Variants in KIF26B observed in about 807,000 individuals in gnomAD.
KIF26B encodes the protein kinesin family member 26B, also known as kinesin-like protein KIF26B.
In KIF26B, 63 loss-of-function variants were observed where a neutral mutation model predicts 151.2. The ratio of observed to expected loss-of-function variants is 0.42; its 90% CI spans 0.34 to 0.51. The LOEUF (loss-of-function observed/expected upper bound fraction) is 0.51, where lower values mean the gene tolerates loss of function less well. Among genes scored for constraint, KIF26B ranks in the 20% least tolerant of loss-of-function variants. The pLI, the probability that KIF26B is intolerant of heterozygous loss-of-function variation, is 0.07. For missense variants in KIF26B, 2,813 were observed against 2,913.6 expected (o/e 0.97, Z 0.79); for synonymous variants, 1,357 against 1,262.1 (o/e 1.08, Z -1.59).
intron 5 of KIF26B, among the ~76,000 whole-genome samples, chr1:245,576,255 AGC>A: frequency 6.6e-6 from 1 of 152,220 alleles, no homozygotes; most frequent in East Asian, 1.9e-4. Flanking sequence ...ACCGGGACGC[AGC>A]GTTCCCATTC....
At chr1:245,571,357 C>T (rs1024432268) in intron 5 of KIF26B, among the ~76,000 whole-genome samples, 1 of 152,210 alleles carries the variant, frequency 6.6e-6, no homozygotes, top group African/African-American at 2.4e-5. Flanking sequence ...AAGACACCTA[C>T]CCAGCTCTGA....
chr1:245,276,433 A>T (rs896408774), intron 2 of KIF26B, among the ~76,000 whole-genome samples: 1 of 152,130 alleles, frequency 6.6e-6, no homozygotes, highest in South Asian at 2.1e-4. Flanking sequence ...TCTCCTGTTT[A>T]TTTTGTGCTG....
chr1:245,614,117 C>T (rs2043557843), intron 9 of KIF26B, among the ~76,000 whole-genome samples: 2 of 152,146 alleles, frequency 1.3e-5, no homozygotes, highest in African/African-American at 4.8e-5. Flanking sequence ...CCCCATGCTG[C>T]AGCACGCGTC....
At chr1:245,574,367 C>G (rs1370044886) in intron 5 of KIF26B, among the ~76,000 whole-genome samples, 2 of 152,172 alleles carry the variant, frequency 1.3e-5, no homozygotes, top group Non-Finnish European at 2.9e-5. Flanking sequence ...TGGTCTCGAA[C>G]TCCTGACCTC....
chr1:245,678,714 A>T (rs929546943), intron 10 of KIF26B, among the ~76,000 whole-genome samples: 1 of 151,708 alleles, frequency 6.6e-6, no homozygotes, highest in African/African-American at 2.4e-5. Context: ...AATACAAAAA[A>T]TTGCTGGGCG....
intron 2 of KIF26B, among the ~76,000 whole-genome samples, chr1:245,254,045 C>A (rs910949894): frequency 6.6e-6 from 1 of 151,880 alleles, no homozygotes; most frequent in Non-Finnish European, 1.5e-5. Context: ...CTCCTGACCT[C>A]GTAATTTGCC....
At chr1:245,158,043 T>A (rs978234157) in intron 2 of KIF26B, among the ~76,000 whole-genome samples, 1 of 152,188 alleles carries the variant, frequency 6.6e-6, no homozygotes. Context: ...GTTCACAATG[T>A]CTTCACATTT....
intron 2 of KIF26B, among the ~76,000 whole-genome samples, chr1:245,309,057 C>T (rs58442128): frequency 0.2 from 29,735 of 152,064 alleles, 3,088 homozygotes; most frequent in East Asian, 0.43. Flanking sequence ...GAGGATGTGG[C>T]TCTCACCCTT....
intron 4 of KIF26B, among the ~76,000 whole-genome samples, chr1:245,435,170 T>TCCATCCAC (rs1658887042): frequency 2.2e-5 from 3 of 138,488 alleles, no homozygotes; most frequent in Admixed American, 7.1e-5. Context: ...CATCCATCCA[T>TCCATCCAC]CCACCCACCC....
rs150646641 is a variant in KIF26B at position 245,329,777 on chromosome 1, C to T, written c.466-37057C>T. Among the ~76,000 whole-genome samples the T allele has an allele frequency of 3.9e-5, 6 of 152,266 alleles. No individual in the cohort carries two copies. In the East Asian group the frequency reaches 1.2e-3, roughly 29 times the overall value. Reference sequence around the variant, plus strand: ...AATAAACAATAGAGTGACATGTATACAATCAATAAGACCAAAAAAGGTGTT... The same window carrying T: ...AATAAACAATAGAGTGACATGTATATAATCAATAAGACCAAAAAAGGTGTT... On this transcript the variant is annotated intron_variant, in intron 2 of 14. Coordinates refer to ENST00000407071, the MANE Select transcript of KIF26B (RefSeq NM_018012.4).
Position 245,252,189 on chromosome 1 carries a change from T to C in KIF26B, c.465+95506T>C, listed in dbSNP as rs531251057. Among the ~76,000 whole-genome samples, 4 of 150,112 alleles carry C rather than the reference T, an allele frequency of 2.7e-5. No individual in the cohort carries two copies. The East Asian group carries it at 7.9e-4, about 30-fold the overall frequency. ...TACTAGGGAGGCTGAGGTGGGAGAA[T>C]CACCTGAGCCCAGGAGTTTGAGGCT... On this transcript the variant is annotated intron_variant, in intron 2 of 14. Transcript: ENST00000407071.
At chr1:245,445,192 A>G (rs1010610566) in intron 4 of KIF26B, among the ~76,000 whole-genome samples, 5 of 152,208 alleles carry the variant, frequency 3.3e-5, no homozygotes, top group African/African-American at 9.6e-5. Flanking sequence ...CTGTTTGGAA[A>G]GCATAGAATG....
rs2044541360 is a variant in KIF26B at position 245,687,271 on chromosome 1, A to G, written c.4288A>G (p.Ser1430Gly). The G allele has an allele frequency of 1.2e-6, 2 of 1,611,406 alleles. No homozygotes were observed. The highest frequency in any genetic ancestry group is 1.7e-6 in the Non-Finnish European group (2 of 1,179,256). The change falls in exon 12 of 15, where the codon AGT becomes GGT. Residue 1430 changes from serine (S) to glycine (G), a missense_variant. This residue lies in a region of KIF26B where 2,060 missense variants were observed against 2,088.6 expected (regional missense o/e 0.99). Coordinates refer to ENST00000407071, the MANE Select transcript of KIF26B (RefSeq NM_018012.4). The surrounding 1 kb of genome is among the most constrained non-coding windows in gnomAD (Gnocchi z 4.9). ...CCAGTCCCGGGAGAGTAAGGAAAAC[A>G]GTGCAAAGAAAGAGATGAAATTTGA... ...LAQSRESKEN[S>G]AKKEMKFEDP... is the part of the protein sequence containing the mutation.
At chr1:245,278,697 A>G (rs893830234) in intron 2 of KIF26B, among the ~76,000 whole-genome samples, 1 of 152,184 alleles carries the variant, frequency 6.6e-6, no homozygotes, top group Non-Finnish European at 1.5e-5. Flanking sequence ...CTTTTGATGC[A>G]TCTCTTGTAT....
intron 2 of KIF26B, among the ~76,000 whole-genome samples, chr1:245,270,193 T>TCC (rs1558369352): frequency 1.2e-5 from 1 of 80,286 alleles, no homozygotes; most frequent in African/African-American, 5.5e-5. Flanking sequence ...CATTCCTTCT[T>TCC]CTTTTCCCTT....
rs1279571129 is a variant in KIF26B, at chr1:245,244,663, T to G, written c.465+87980T>G. Among the ~76,000 whole-genome samples, 1 of 151,894 alleles carries G rather than the reference T, an allele frequency of 6.6e-6. No individual in the cohort carries two copies. The highest frequency in any genetic ancestry group is 1.5e-5 in the Non-Finnish European group (1 of 67,992). On this transcript the variant is annotated intron_variant, in intron 2 of 14. Coordinates refer to ENST00000407071, the MANE Select transcript of KIF26B (RefSeq NM_018012.4). The surrounding 1 kb of genome is among the most constrained non-coding windows in gnomAD (Gnocchi z 4.2). The stretch of plus-strand genomic sequence containing the variant: ...AATGTGACACCCGTCTTCTCTGTCC[T>G]CTCTCTTCATACTGTTGTCTTAGGT...
At chr1:245,225,684 A>C (rs1007110063) in intron 2 of KIF26B, among the ~76,000 whole-genome samples, 2 of 152,150 alleles carry the variant, frequency 1.3e-5, no homozygotes, top group African/African-American at 4.8e-5. Flanking sequence ...ATTTGGCTAT[A>C]ATCAGAGGCA....
intron 2 of KIF26B, among the ~76,000 whole-genome samples, chr1:245,356,642 G>A (rs1195699781): frequency 6.6e-6 from 1 of 152,216 alleles, no homozygotes; most frequent in Admixed American, 6.5e-5. Context: ...GATTCATCGA[G>A]TCATTGATTG....
At chr1:245,452,750 G>A (rs1190160237) in intron 4 of KIF26B, among the ~76,000 whole-genome samples, 1 of 151,348 alleles carries the variant, frequency 6.6e-6, no homozygotes, top group African/African-American at 2.4e-5. Context: ...TATCTTCTTT[G>A]GAAAAAAAAG....
Sources: allele counts gnomAD v4.1 joint callset (sites outside exome capture counted in the v4.1 genomes callset), GRCh38; gene constraint gnomAD v4.1.1; regional missense constraint gnomAD v4.1.1; non-coding constraint Gnocchi (gnomAD v3.1); transcripts MANE v1.5; gene names NCBI Gene and HGNC (gene_info 2026-07-23, HGNC 2026-07-21).